The following RERE variants were observed in gnomAD, a reference collection of about 807,000 sequenced individuals.
RERE encodes arginine-glutamic acid dipeptide repeats protein.
In RERE, 40 loss-of-function variants were observed where a neutral mutation model predicts 146.1. That is an observed-to-expected ratio of 0.27 (90% CI 0.21 to 0.36). The LOEUF (loss-of-function observed/expected upper bound fraction) is 0.36. Among genes scored for constraint, RERE ranks in the 10% least tolerant of loss-of-function variants. The pLI is 1.00. For missense variants in RERE, 1,933 were observed against 2,138.7 expected (o/e 0.90, Z 1.90); for synonymous variants, 1,003 against 866.0 (o/e 1.16, Z -2.78).
At chr1:8,534,638 T>C (rs1485792089) in intron 7 of RERE, among the ~76,000 whole-genome samples, 1 of 151,998 alleles carries the variant, frequency 6.6e-6, no homozygotes, top group African/African-American at 2.4e-5. Flanking sequence ...CAGCAGGTTA[T>C]AAACAATTAA....
At chr1:8,365,684 G>T in intron 13 of RERE, 128 bp downstream of exon 13, 1 of 1,002,172 alleles carries the variant, frequency 1.0e-6, no homozygotes, top group Non-Finnish European at 1.5e-6. Flanking sequence ...CTTCACACAT[G>T]CACTGGAGCA....
chr1:8,549,314 A>G (rs1557682361), intron 6 of RERE, among the ~76,000 whole-genome samples: 1 of 152,210 alleles, frequency 6.6e-6, no homozygotes, highest in Non-Finnish European at 1.5e-5. Context: ...AAAATACAGA[A>G]GTTTGCTGAT....
At chr1:8,786,804 T>C in intron 1 of RERE, 2 of 817,966 alleles carry the variant, frequency 2.4e-6, no homozygotes, top group Non-Finnish European at 4.3e-6. Flanking sequence ...GCTCCCTCCT[T>C]GCCTTTCAAA....
intron 15 of RERE, chr1:8,363,669 G>A: frequency 4.7e-6 from 1 of 212,356 alleles, no homozygotes; most frequent in South Asian, 7.9e-5. Flanking sequence ...TTTCCAAAAC[G>A]GGATCAAACA....
intron 4 of RERE, among the ~76,000 whole-genome samples, chr1:8,599,286 C>A (rs569452084): frequency 6.6e-6 from 1 of 152,268 alleles, no homozygotes; most frequent in South Asian, 2.1e-4. Flanking sequence ...ACCCTGTCCA[C>A]GGTTAAAATC....
intron 3 of RERE, among the ~76,000 whole-genome samples, chr1:8,622,588 A>T (rs1438955220): frequency 6.6e-6 from 1 of 152,050 alleles, no homozygotes; most frequent in Non-Finnish European, 1.5e-5. Flanking sequence ...TAGACATAAA[A>T]ACTGGATAGA....
intron 10 of RERE, among the ~76,000 whole-genome samples, chr1:8,494,089 T>C (rs556162865): frequency 1.3e-5 from 2 of 152,336 alleles, no homozygotes; most frequent in East Asian, 3.9e-4. Flanking sequence ...GTGTTTATTA[T>C]GGGATTAAAG....
chr1:8,815,219 AT>A (rs895207040), intron 1 of RERE, among the ~76,000 whole-genome samples: 5 of 152,234 alleles, frequency 3.3e-5, no homozygotes, highest in African/African-American at 1.2e-4. Flanking sequence ...ATCTTTTCTT[AT>A]AACCCTTATT....
chr1:8,752,443 C>T (rs1640558405), intron 1 of RERE, among the ~76,000 whole-genome samples: 1 of 152,086 alleles, frequency 6.6e-6, no homozygotes, highest in East Asian at 1.9e-4. Context: ...ATAATCCTTA[C>T]AAGAGAAATT....
At chr1:8,791,649 T>C (rs1641365050) in intron 1 of RERE, among the ~76,000 whole-genome samples, 1 of 152,244 alleles carries the variant, frequency 6.6e-6, no homozygotes, top group African/African-American at 2.4e-5. Flanking sequence ...AACTGGTCTA[T>C]CTTTTCAGAA....
intron 11 of RERE, among the ~76,000 whole-genome samples, chr1:8,459,779 T>TA (rs1010943856): frequency 5.9e-5 from 9 of 151,526 alleles, no homozygotes; most frequent in East Asian, 3.9e-4. Context: ...GTTCTAACAA[T>TA]AAAAAAAACA....
At chr1:8,674,481 C>G (rs1638789874) in intron 1 of RERE, among the ~76,000 whole-genome samples, 1 of 152,180 alleles carries the variant, frequency 6.6e-6, no homozygotes, top group African/African-American at 2.4e-5. Flanking sequence ...CTGAAGGAGG[C>G]AGAGACTCCA....
chr1:8,586,631 T>G (rs1048102586), intron 4 of RERE, among the ~76,000 whole-genome samples: 1 of 152,174 alleles, frequency 6.6e-6, no homozygotes, highest in Non-Finnish European at 1.5e-5. Flanking sequence ...GTGAACTTCC[T>G]GACTCAGACA....
intron 12 of RERE, among the ~76,000 whole-genome samples, chr1:8,381,619 T>TA (rs1018614160): frequency 2.0e-5 from 3 of 152,148 alleles, no homozygotes; most frequent in African/African-American, 4.8e-5. Context: ...TACATTAAAG[T>TA]AAAAAACAAA....
chr1:8,808,588 G>A (rs1245801474), intron 1 of RERE, among the ~76,000 whole-genome samples: 1 of 152,168 alleles, frequency 6.6e-6, no homozygotes, highest in East Asian at 1.9e-4. Flanking sequence ...TGAGGAAACT[G>A]AGACCCAGAA....
intron 12 of RERE, among the ~76,000 whole-genome samples, chr1:8,409,119 G>A (rs74402327): frequency 0.011 from 1,747 of 152,326 alleles, 42 homozygotes; most frequent in African/African-American, 0.04. Flanking sequence ...AAAAGAGACT[G>A]TGCCGTTTTG....
chr1:8,363,216 A>C (rs191159837), intron 15 of RERE, among the ~76,000 whole-genome samples: 300 of 152,344 alleles, frequency 2.0e-3, no homozygotes, highest in African/African-American at 6.9e-3. Flanking sequence ...ATAACCGTCC[A>C]TTCTCCCAAC....
chr1:8,740,249 A>T (rs1640282163), intron 1 of RERE, among the ~76,000 whole-genome samples: 2 of 152,218 alleles, frequency 1.3e-5, no homozygotes, highest in South Asian at 4.1e-4. Flanking sequence ...TACTGCTCCT[A>T]GACTACAAAA....
chr1:8,680,967 C>T (rs757659568), intron 1 of RERE, among the ~76,000 whole-genome samples: 2 of 152,146 alleles, frequency 1.3e-5, no homozygotes, highest in Non-Finnish European at 2.9e-5. Context: ...GTGCCCTCTA[C>T]GAATGCTAAA....
Sources: allele counts gnomAD v4.1 joint callset (sites outside exome capture counted in the v4.1 genomes callset), GRCh38; gene constraint gnomAD v4.1.1; transcripts MANE v1.5; gene names NCBI Gene and HGNC (gene_info 2026-07-23, HGNC 2026-07-21).